The following SLC9B1 variants were observed in gnomAD, a reference collection of about 807,000 sequenced individuals.
SLC9B1 encodes the protein solute carrier family 9 member B1.
In SLC9B1, 32 loss-of-function variants were observed where a neutral mutation model predicts 51.7. That is an observed-to-expected ratio of 0.62 (90% CI 0.47 to 0.83). The LOEUF (loss-of-function observed/expected upper bound fraction) is 0.83, where lower values mean the gene tolerates loss of function less well. Among genes scored for constraint, SLC9B1 ranks in the 40% least tolerant of loss-of-function variants. The probability of loss-of-function intolerance (pLI) is 0.00; values close to 1 mark genes in which losing one functional copy is unlikely to be tolerated. For missense variants in SLC9B1, 406 were observed against 613.2 expected (o/e 0.66, Z 3.57); for synonymous variants, 145 against 212.7 (o/e 0.68, Z 2.77).
Position 102,949,267 on chromosome 4 carries a change from T to G in SLC9B1, c.372A>C (p.Pro124=). The change falls in exon 4 of 12, where the codon CCA becomes CCC. Residue 124 remains proline, a synonymous_variant. Coordinates refer to ENST00000296422, the MANE Select transcript of SLC9B1 (RefSeq NM_139173.4). ...LIRIPLVPPL[P]PLLGMLLAGF... is the part of the protein sequence containing the mutation. ...TAATTATATACTTACCAAGAAGAGG[T>G]GGAAGTGGAGGCACTAAAGGTATTC... The G allele has an allele frequency of 6.3e-7, 1 of 1,583,302 alleles. No homozygotes were observed. The highest frequency in any genetic ancestry group is 8.6e-7 in the Non-Finnish European group (1 of 1,167,628).
chr4:102,915,115 A>C (rs1255091691), intron 7 of SLC9B1, among the ~76,000 whole-genome samples: 2 of 147,698 alleles, frequency 1.4e-5, no homozygotes, highest in Non-Finnish European at 3.0e-5. Context: ...AAAAAAAAAA[A>C]CTGTCAACCA....
intron 3 of SLC9B1, among the ~76,000 whole-genome samples, chr4:102,958,632 C>A (rs1292873593): frequency 6.6e-6 from 1 of 151,938 alleles, no homozygotes; most frequent in East Asian, 1.9e-4. Context: ...AAAAAGTAAG[C>A]CCCAGAGAGG....
intron 3 of SLC9B1, among the ~76,000 whole-genome samples, chr4:102,968,005 T>G (rs1738522740): frequency 6.6e-6 from 1 of 152,214 alleles, no homozygotes; most frequent in South Asian, 2.1e-4. Context: ...AAGCTGATTC[T>G]AAAATTATAT....
chr4:102,975,079 A>G (rs1738981799), intron 3 of SLC9B1, among the ~76,000 whole-genome samples: 1 of 152,226 alleles, frequency 6.6e-6, no homozygotes, highest in African/African-American at 2.4e-5. Flanking sequence ...TATAGCTCAC[A>G]GCATCCTTGA....
chr4:102,981,474 A>G (rs949417725), intron 3 of SLC9B1, among the ~76,000 whole-genome samples: 6 of 152,190 alleles, frequency 3.9e-5, no homozygotes, highest in African/African-American at 1.4e-4. Flanking sequence ...CCCACCTGCA[A>G]TGAATGAAAG....
At chr4:102,910,672 C>T (rs1187839498) in intron 8 of SLC9B1, 84 bp from the exon 9 acceptor site, 14 of 621,522 alleles carry the variant, frequency 2.3e-5, no homozygotes, top group East Asian at 4.6e-5. Flanking sequence ...TATTTTTGAC[C>T]CTCTGATATT....
chr4:102,977,706 G>A (rs1223293111), intron 3 of SLC9B1, among the ~76,000 whole-genome samples: 1 of 152,102 alleles, frequency 6.6e-6, no homozygotes, highest in Admixed American at 6.6e-5. Flanking sequence ...GCCATTCTCA[G>A]AGCCCCAGCT....
chr4:102,908,294 CTAGTT>C, intron 9 of SLC9B1, among the ~76,000 whole-genome samples: 1 of 152,222 alleles, frequency 6.6e-6, no homozygotes, highest in Non-Finnish European at 1.5e-5. Flanking sequence ...AAATGACTGT[CTAGTT>C]TATGTGCATA....
chr4:102,996,831 G>C (rs1390724912), intron 1 of SLC9B1, among the ~76,000 whole-genome samples: 1 of 151,882 alleles, frequency 6.6e-6, no homozygotes, highest in Non-Finnish European at 1.5e-5. Context: ...CTGTCACCCA[G>C]GCTGGAGTGC....
Position 102,945,304 on chromosome 4 carries a change from T to A in SLC9B1, c.542A>T (p.Lys181Met). Residue 181 changes from lysine (K) to methionine (M), a missense_variant, in exon 6 of 12, where the codon AAG becomes ATG. Lys to Met is a moderately conservative substitution (Grantham distance 95). Around this residue, in one of 6 missense-constraint regions of SLC9B1, gnomAD observed 250 missense variants for 394.1 expected, o/e 0.63. Transcript: ENST00000296422. ...GLDPQALRHLKVVCFRLAVGP... is the reference protein window; with the variant it reads ...GLDPQALRHLMVVCFRLAVGP... ...TACAGCCAATCTGAAACAAACGACC[T>A]TCAAATGCCTCAAAGCCTGAAACAC... 6.3e-7 allele frequency: 1 copy of A among 1,596,118 alleles called. No individual in the cohort carries two copies. The highest frequency in any genetic ancestry group is 8.6e-7 in the Non-Finnish European group (1 of 1,168,366).
intron 3 of SLC9B1, among the ~76,000 whole-genome samples, chr4:102,963,784 T>A (rs1230447930): frequency 6.6e-6 from 1 of 152,158 alleles, no homozygotes; most frequent in Non-Finnish European, 1.5e-5. Context: ...ACCAATAACA[T>A]AACATTATTT....
At chr4:102,906,290 G>A in intron 10 of SLC9B1, 1 of 227,502 alleles carries the variant, frequency 4.4e-6, no homozygotes, top group Non-Finnish European at 8.4e-6. Flanking sequence ...GTTCCCTCAG[G>A]AAAGAAATCT....
rs144057984 is a variant in SLC9B1 at position 102,965,401 on chromosome 4, G to T, written c.212-15974C>A. Among the ~76,000 whole-genome samples the T allele has an allele frequency of 3.3e-3, 502 of 152,184 alleles. 5 individuals carry two copies. Among genetic ancestry groups the T allele is most frequent in the Middle Eastern group, 0.017 (5 of 294 alleles). The stretch of plus-strand genomic sequence containing the variant: ...AACACAAGGTACAACCTTGTACAAT[G>T]GGTTGCTTTATAACAATCCATTCTC... On this transcript the variant is annotated intron_variant, in intron 3 of 11. Transcript: ENST00000296422.
chr4:102,976,093 A>C (rs1739056262), intron 3 of SLC9B1, among the ~76,000 whole-genome samples: 1 of 152,216 alleles, frequency 6.6e-6, no homozygotes, highest in Non-Finnish European at 1.5e-5. Flanking sequence ...GAATTAGAAA[A>C]AAAAGACAAG....
chr4:102,927,197 C>A (rs1036828286), intron 7 of SLC9B1, among the ~76,000 whole-genome samples: 1 of 152,132 alleles, frequency 6.6e-6, no homozygotes, highest in Non-Finnish European at 1.5e-5. Flanking sequence ...TGGGCGAGGT[C>A]TTCATGACTA....
At chr4:103,013,881 C>T (rs1302919069) in intron 1 of SLC9B1, among the ~76,000 whole-genome samples, 1 of 152,200 alleles carries the variant, frequency 6.6e-6, no homozygotes, top group Non-Finnish European at 1.5e-5. Flanking sequence ...TAAATTGTCA[C>T]TAGTCCAGTC....
intron 11 of SLC9B1, chr4:102,890,904 G>A (rs1734217036): frequency 6.9e-6 from 1 of 144,228 alleles, no homozygotes; most frequent in Non-Finnish European, 1.5e-5. Flanking sequence ...AAATCAGTAC[G>A]AAGTTCGTAG....
intron 1 of SLC9B1, among the ~76,000 whole-genome samples, chr4:103,016,465 A>G (rs1177137304): frequency 6.6e-6 from 1 of 152,190 alleles, no homozygotes; most frequent in Non-Finnish European, 1.5e-5. Context: ...CAGCAGTACT[A>G]TGTCAATTTC....
At chr4:102,893,581 C>T (rs1176980006) in intron 11 of SLC9B1, among the ~76,000 whole-genome samples, 3 of 152,076 alleles carry the variant, frequency 2.0e-5, no homozygotes, top group Non-Finnish European at 2.9e-5. Context: ...AAAACCAATT[C>T]ATTTCACATA....
Sources: allele counts gnomAD v4.1 joint callset (sites outside exome capture counted in the v4.1 genomes callset), GRCh38; gene constraint gnomAD v4.1.1; regional missense constraint gnomAD v4.1.1; transcripts MANE v1.5; gene names NCBI Gene and HGNC (gene_info 2026-07-23, HGNC 2026-07-21).